GPC5: variants seen among roughly 807,000 people sequenced by gnomAD.
The protein encoded by GPC5 is glypican 5.
In GPC5, 47 loss-of-function variants were observed where a neutral mutation model predicts 53.9. That is an observed-to-expected ratio of 0.87 (90% CI 0.69 to 1.11). The LOEUF (loss-of-function observed/expected upper bound fraction) is 1.11. Among genes scored for constraint, GPC5 ranks in the 50% most tolerant of loss-of-function variants. The pLI is 0.00. For synonymous variants in GPC5, 286 were observed against 263.3 expected, an observed-to-expected ratio of 1.09 and a Z score of -0.84; for missense variants, 748 against 713.1, an observed-to-expected ratio of 1.05 and a Z score of -0.56.
intron 6 of GPC5, among the ~76,000 whole-genome samples, chr13:92,121,226 C>T (rs377344595): frequency 6.6e-6 from 1 of 152,194 alleles, no homozygotes. Flanking sequence ...TCCACTCACA[C>T]TTCTCTACTA....
chr13:91,644,712 T>C (rs2034516900), intron 2 of GPC5, among the ~76,000 whole-genome samples: 1 of 152,210 alleles, frequency 6.6e-6, no homozygotes, highest in African/African-American at 2.4e-5. Context: ...TTTAAAACCT[T>C]CCTAGCTATT....
intron 7 of GPC5, among the ~76,000 whole-genome samples, chr13:92,381,343 C>T (rs2043737204): frequency 6.6e-6 from 1 of 152,080 alleles, no homozygotes. Flanking sequence ...TCTTTCCTAC[C>T]TGGCAGTGAT....
chr13:92,603,891 T>C (rs1213340233), intron 7 of GPC5, among the ~76,000 whole-genome samples: 1 of 152,148 alleles, frequency 6.6e-6, no homozygotes, highest in Non-Finnish European at 1.5e-5. Context: ...AGGAGGTATA[T>C]CACTGTCTTG....
chr13:92,259,099 A>T lies in GPC5; in HGVS notation c.1561+114110A>T, dbSNP rs376836299. Among the ~76,000 whole-genome samples, 91 of 152,330 alleles carry T rather than the reference A, an allele frequency of 6.0e-4. 3 individuals carry two copies. Among genetic ancestry groups the T allele is most frequent in the African/African-American group, 2.0e-3 (83 of 41,594 alleles). On this transcript the variant is annotated intron_variant, in intron 7 of 7. Transcript: ENST00000377067. ...TCTCCAGCAATGATGAGTTTACAGA[A>T]CCTTGGATAGATAGAACATATGACA...
chr13:92,702,577 T>G (rs1260429454), intron 7 of GPC5, among the ~76,000 whole-genome samples: 1 of 152,030 alleles, frequency 6.6e-6, no homozygotes, highest in Non-Finnish European at 1.5e-5. Flanking sequence ...TCAAAATGTT[T>G]CCAGTATCCA....
intron 7 of GPC5, among the ~76,000 whole-genome samples, chr13:92,474,859 A>T (rs1566606469): frequency 6.6e-6 from 1 of 152,092 alleles, no homozygotes; most frequent in Non-Finnish European, 1.5e-5. Flanking sequence ...AATATGAGAA[A>T]TTATTCAAAT....
intron 7 of GPC5, among the ~76,000 whole-genome samples, chr13:92,670,884 C>T (rs1886725119): frequency 6.6e-6 from 1 of 152,124 alleles, no homozygotes; most frequent in Non-Finnish European, 1.5e-5. Flanking sequence ...GGAGCAGTAA[C>T]ATGACTACTT....
At chr13:92,439,800 C>A (rs1418600526) in intron 7 of GPC5, among the ~76,000 whole-genome samples, 1 of 152,076 alleles carries the variant, frequency 6.6e-6, no homozygotes, top group Non-Finnish European at 1.5e-5. Context: ...GAACACAGAG[C>A]CCATTGTAAT....
chr13:92,601,034 C>T (rs551435830), intron 7 of GPC5, among the ~76,000 whole-genome samples: 1 of 152,232 alleles, frequency 6.6e-6, no homozygotes, highest in East Asian at 1.9e-4. Flanking sequence ...ATTTCTATCC[C>T]AACCACTTAA....
chr13:91,593,432 T>A (rs544614850), intron 2 of GPC5, among the ~76,000 whole-genome samples: 2 of 151,840 alleles, frequency 1.3e-5, no homozygotes, highest in African/African-American at 4.8e-5. Context: ...TACATTTTAT[T>A]GTGATAAGAT....
Position 92,426,847 on chromosome 13 carries a change from T to C in GPC5, c.1561+281858T>C, listed in dbSNP as rs1365014317. Among the ~76,000 whole-genome samples the C allele has an allele frequency of 2.0e-5, 3 of 152,132 alleles. 1 individual carries two copies. The highest frequency in any genetic ancestry group is 4.1e-4 in the South Asian group (2 of 4,822). On this transcript the variant is annotated intron_variant, in intron 7 of 7. Coordinates refer to ENST00000377067, the MANE Select transcript of GPC5 (RefSeq NM_004466.6). ...AGGTTATAAACATGTAAAAGTGCAATAGATTTATCTACTTAACTGTAGAGA... is the reference window on the plus strand; with the variant it reads ...AGGTTATAAACATGTAAAAGTGCAACAGATTTATCTACTTAACTGTAGAGA...
intron 6 of GPC5, among the ~76,000 whole-genome samples, chr13:91,942,911 A>G (rs562297961): frequency 5.3e-5 from 8 of 152,252 alleles, no homozygotes; most frequent in African/African-American, 1.4e-4. Context: ...TAAGAAAATT[A>G]TATTTAAGCT....
At chr13:91,785,811 A>G (rs2037868432) in intron 5 of GPC5, among the ~76,000 whole-genome samples, 1 of 152,180 alleles carries the variant, frequency 6.6e-6, no homozygotes, top group Non-Finnish European at 1.5e-5. Flanking sequence ...AAGTGCAGTC[A>G]TCTTTCACCC....
At chr13:92,312,997 A>T (rs2043155558) in intron 7 of GPC5, among the ~76,000 whole-genome samples, 1 of 152,160 alleles carries the variant, frequency 6.6e-6, no homozygotes, top group African/African-American at 2.4e-5. Flanking sequence ...AGGCTTATTA[A>T]TGTGTAATTC....
At chr13:92,792,720 G>A (rs1384942579) in intron 7 of GPC5, among the ~76,000 whole-genome samples, 1 of 152,000 alleles carries the variant, frequency 6.6e-6, no homozygotes, top group Non-Finnish European at 1.5e-5. Flanking sequence ...AGCAAAAAAA[G>A]CAGGGGTTGC....
rs150205763 is a variant in GPC5, at chr13:92,651,114, G to A, written c.1562-215168G>A. On this transcript the variant is annotated intron_variant, in intron 7 of 7. Coordinates refer to ENST00000377067, the MANE Select transcript of GPC5 (RefSeq NM_004466.6). ...TTTTATGGTTGCACAGTATTCCATG[G>A]GAATACTATGGGACCTTGTGATCTT... 3.3e-3 allele frequency among the ~76,000 whole-genome samples: 504 copies of A among 151,902 alleles called. 1 individual carries two copies. The highest frequency in any genetic ancestry group is 5.3e-3 in the Admixed American group (81 of 15,228).
At chr13:92,575,112 A>G (rs748008314) in intron 7 of GPC5, among the ~76,000 whole-genome samples, 1 of 152,210 alleles carries the variant, frequency 6.6e-6, no homozygotes, top group Non-Finnish European at 1.5e-5. Flanking sequence ...AATTTTGGAC[A>G]ACTAGCAGCT....
chr13:92,116,186 C>A (rs961148182), intron 6 of GPC5, among the ~76,000 whole-genome samples: 3 of 152,064 alleles, frequency 2.0e-5, no homozygotes, highest in Non-Finnish European at 4.4e-5. Flanking sequence ...CAGGTCAAGG[C>A]TGCAGTGAGC....
chr13:92,202,699 G>T (rs1009299941), intron 7 of GPC5, among the ~76,000 whole-genome samples: 1 of 152,082 alleles, frequency 6.6e-6, no homozygotes, highest in Non-Finnish European at 1.5e-5. Context: ...ACATTTTATT[G>T]TACTGGGTTC....
Sources: gnomAD v4.1 joint callset for allele counts (sites outside exome capture counted in the v4.1 genomes callset) on GRCh38, gnomAD v4.1.1 for gene constraint, MANE v1.5 for transcripts, NCBI Gene and HGNC (gene_info 2026-07-23, HGNC 2026-07-21) for gene names.